Variants in PEBP4 observed in about 807,000 individuals in gnomAD.
The protein encoded by PEBP4 is phosphatidylethanolamine binding protein 4.
A neutral mutation model predicts 23.9 loss-of-function variants in PEBP4; 22 were observed. The ratio of observed to expected loss-of-function variants is 0.92; its 90% CI spans 0.66 to 1.31. PEBP4 has a LOEUF of 1.31. Ranked by LOEUF, PEBP4 falls within the 40% of genes most tolerant of loss-of-function variation. The pLI is 0.00. For missense variants in PEBP4, 324 were observed against 281.7 expected (o/e 1.15, Z -1.07); for synonymous variants, 112 against 99.3 (o/e 1.13, Z -0.76).
chr8:22,850,160 T>G (rs938802566), intron 3 of PEBP4, among the ~76,000 whole-genome samples: 1 of 151,958 alleles, frequency 6.6e-6, no homozygotes, highest in African/African-American at 2.4e-5. Context: ...ATAATGGGCT[T>G]GAGGACTTGG....
intron 3 of PEBP4, among the ~76,000 whole-genome samples, chr8:22,899,035 G>C (rs990319426): frequency 4.6e-5 from 7 of 152,332 alleles, no homozygotes; most frequent in Non-Finnish European, 5.9e-5. Context: ...GGTACAGCAC[G>C]GTGGTTCATT....
chr8:22,935,245 G>T (rs1403149705), intron 1 of PEBP4, among the ~76,000 whole-genome samples: 1 of 152,228 alleles, frequency 6.6e-6, no homozygotes, highest in African/African-American at 2.4e-5. Flanking sequence ...GACTGGCTGG[G>T]CATGGTGGCT....
chr8:22,724,585 C>T (rs1168091063), intron 6 of PEBP4, among the ~76,000 whole-genome samples: 2 of 152,194 alleles, frequency 1.3e-5, no homozygotes, highest in Admixed American at 1.3e-4. Context: ...GCTTTGAGAC[C>T]CTGCCTTACA....
intron 3 of PEBP4, among the ~76,000 whole-genome samples, chr8:22,914,381 C>G (rs1809022475): frequency 6.6e-6 from 1 of 152,132 alleles, no homozygotes; most frequent in Non-Finnish European, 1.5e-5. Flanking sequence ...GAGATGTGAC[C>G]CACTTCGTAA....
intron 2 of PEBP4, chr8:22,925,374 G>A (rs766595483): frequency 6.5e-5 from 63 of 963,144 alleles, no homozygotes; most frequent in East Asian, 1.1e-4. Flanking sequence ...GGGAAAGAGC[G>A]TGAGTGTGGA....
At chr8:22,844,275 T>G (rs1807382559) in intron 3 of PEBP4, among the ~76,000 whole-genome samples, 2 of 152,236 alleles carry the variant, frequency 1.3e-5, no homozygotes, top group South Asian at 4.1e-4. Context: ...GTTTCACTTT[T>G]GTTGCCCAGG....
intron 3 of PEBP4, among the ~76,000 whole-genome samples, chr8:22,839,893 T>C (rs534536943): frequency 6.6e-6 from 1 of 152,196 alleles, no homozygotes; most frequent in Non-Finnish European, 1.5e-5. Flanking sequence ...GAGGCAATGT[T>C]GAGCTTTTTA....
chr8:22,823,204 T>C (rs1395941549), intron 3 of PEBP4, among the ~76,000 whole-genome samples: 1 of 151,976 alleles, frequency 6.6e-6, no homozygotes, highest in Non-Finnish European at 1.5e-5. Flanking sequence ...AAATGTTATT[T>C]AATATATGAC....
chr8:22,920,180 T>C lies in PEBP4; in HGVS notation c.258+4A>G. 2.5e-6 allele frequency: 4 copies of C among 1,609,820 alleles called. No homozygotes were observed. Among genetic ancestry groups the C allele is most frequent in the Non-Finnish European group, 3.4e-6 (4 of 1,177,096 alleles). ...CCCGCTTTAACACAGCCCTGCTCAC[T>C]CACGTCCACGGCCCCCGGGAACTTG... On this transcript the variant is annotated splice_donor_region_variant and intron_variant, in intron 3 of 6. Transcript: ENST00000256404.
At chr8:22,884,340 C>A (rs1808327510) in intron 3 of PEBP4, 1 of 152,206 alleles carries the variant, frequency 6.6e-6, no homozygotes, top group Admixed American at 6.5e-5. Flanking sequence ...ACAAGGATGA[C>A]TAGAAAGTTG....
chr8:22,729,723 T>TC (rs1252629850), intron 4 of PEBP4, among the ~76,000 whole-genome samples: 1 of 151,990 alleles, frequency 6.6e-6, no homozygotes, highest in East Asian at 1.9e-4. Flanking sequence ...ACTGTTCAGG[T>TC]CCCCCCTGGA....
intron 4 of PEBP4, among the ~76,000 whole-genome samples, chr8:22,779,953 T>TC (rs1223540532): frequency 4.2e-5 from 6 of 141,668 alleles, no homozygotes; most frequent in South Asian, 2.3e-4. Flanking sequence ...TTTTTTAAAA[T>TC]CTTTTTTTTT....
At chr8:22,934,210 A>G (rs1191570848) in intron 1 of PEBP4, among the ~76,000 whole-genome samples, 2 of 152,202 alleles carry the variant, frequency 1.3e-5, no homozygotes, top group South Asian at 2.1e-4. Flanking sequence ...ACAAATATCT[A>G]AATTATAGCA....
intron 4 of PEBP4, among the ~76,000 whole-genome samples, chr8:22,811,180 T>C (rs139240650): frequency 1.3e-5 from 2 of 152,282 alleles, no homozygotes; most frequent in Non-Finnish European, 2.9e-5. Flanking sequence ...ATCCCTTGAA[T>C]ATTTTAATGA....
chr8:22,883,939 C>T (rs1172151898), intron 3 of PEBP4: 2 of 152,160 alleles, frequency 1.3e-5, no homozygotes, highest in African/African-American at 4.8e-5. Flanking sequence ...CAGCTGATTT[C>T]ACCAATTCTC....
At chr8:22,792,652 A>G (rs1806162588) in intron 4 of PEBP4, among the ~76,000 whole-genome samples, 1 of 152,086 alleles carries the variant, frequency 6.6e-6, no homozygotes, top group African/African-American at 2.4e-5. Context: ...TTTCGTTCTA[A>G]GTATACGTTG....
intron 4 of PEBP4, among the ~76,000 whole-genome samples, chr8:22,759,486 C>G (rs1316591172): frequency 6.6e-6 from 1 of 152,104 alleles, no homozygotes; most frequent in East Asian, 1.9e-4. Flanking sequence ...CACCCATCCT[C>G]TCAACAAGCC....
intron 3 of PEBP4, 53 bp downstream of exon 3, chr8:22,920,130 GA>G: frequency 6.3e-7 from 1 of 1,579,696 alleles, no homozygotes; most frequent in Non-Finnish European, 8.7e-7. Flanking sequence ...AAGCCTGGAG[GA>G]ACATCAAGAC....
chr8:22,735,076 G>A (rs1804830616), intron 4 of PEBP4, among the ~76,000 whole-genome samples: 1 of 152,206 alleles, frequency 6.6e-6, no homozygotes, highest in African/African-American at 2.4e-5. Flanking sequence ...TGCCCCTGAG[G>A]AATGGTAGCT....
Sources: gnomAD v4.1 joint callset for allele counts (sites outside exome capture counted in the v4.1 genomes callset) on GRCh38, gnomAD v4.1.1 for gene constraint, MANE v1.5 for transcripts, NCBI Gene and HGNC (gene_info 2026-07-23, HGNC 2026-07-21) for gene names.